Variants in RNF125 observed in about 807,000 individuals in gnomAD.
RNF125 encodes the protein ring finger protein 125.
In RNF125, 21 loss-of-function variants were observed where a neutral mutation model predicts 26.0. The observed-to-expected ratio is 0.81, with a 90% CI of 0.57 to 1.16. The LOEUF (loss-of-function observed/expected upper bound fraction) is 1.16. Ranked by LOEUF, RNF125 falls within the 50% of genes most tolerant of loss-of-function variation. The pLI, the probability that RNF125 is intolerant of heterozygous loss-of-function variation, is 0.00. For missense variants in RNF125, 270 were observed against 299.4 expected, an observed-to-expected ratio of 0.90 and a Z score of 0.72; for synonymous variants, 95 against 109.2, an observed-to-expected ratio of 0.87 and a Z score of 0.81.
chr18:32,033,647 C>T (rs1196617079), intron 1 of RNF125, among the ~76,000 whole-genome samples: 2 of 151,802 alleles, frequency 1.3e-5, no homozygotes, highest in East Asian at 1.9e-4. Context: ...ATGGAGAAAA[C>T]CCGTCTCTAC....
chr18:32,068,286 T>C lies in RNF125; in HGVS notation c.613-12T>C, dbSNP rs747824170. 177 of 1,407,790 alleles carry C rather than the reference T, an allele frequency of 1.3e-4. No homozygotes were observed. The highest frequency in any genetic ancestry group is 1.7e-4 in the Non-Finnish European group (170 of 995,440). 87.2% of individuals were successfully genotyped at this position (1,407,790 alleles called of 1,614,324 possible). A position where few individuals can be genotyped will look rare whatever the true frequency, so the allele number is the denominator to read the frequency against. On this transcript the variant is annotated splice_polypyrimidine_tract_variant and intron_variant, in intron 5 of 5. Transcript: ENST00000217740. ...GACTCTGAATATTTCTAATTATTTT[T>C]CTTTATTGTAGGATTTTAATATAAT...
intron 4 of RNF125, among the ~76,000 whole-genome samples, chr18:32,064,996 G>T (rs1486088401): frequency 1.3e-5 from 2 of 152,150 alleles, no homozygotes; most frequent in Non-Finnish European, 2.9e-5. Flanking sequence ...TATGGTACAT[G>T]TATTAATTGT....
the RNF125 span, among the ~76,000 whole-genome samples, chr18:32,083,701 C>T: frequency 5.0e-4 from 76 of 151,878 alleles, no homozygotes; most frequent in African/African-American, 1.6e-3. Context: ...TGCTTGAGCT[C>T]AGAAGTTTGA....
chr18:32,043,925 A>G (rs998129492), intron 3 of RNF125, among the ~76,000 whole-genome samples: 21 of 152,332 alleles, frequency 1.4e-4, no homozygotes, highest in African/African-American at 1.7e-4. Context: ...AAAGTGAGCA[A>G]ACAACTCCAA....
At chr18:32,047,016 G>A (rs899903560) in intron 4 of RNF125, among the ~76,000 whole-genome samples, 3 of 152,048 alleles carry the variant, frequency 2.0e-5, no homozygotes, top group Non-Finnish European at 2.9e-5. Flanking sequence ...CTGTGGGCAC[G>A]TGCCACTACA....
chr18:32,060,709 C>T (rs1469628085), intron 4 of RNF125, among the ~76,000 whole-genome samples: 2 of 152,218 alleles, frequency 1.3e-5, no homozygotes, highest in African/African-American at 4.8e-5. Flanking sequence ...TTCTTACCCT[C>T]TCTTCCCTCA....
intron 3 of RNF125, among the ~76,000 whole-genome samples, chr18:32,045,279 C>T (rs1006550679): frequency 6.6e-6 from 1 of 152,040 alleles, no homozygotes; most frequent in Non-Finnish European, 1.5e-5. Context: ...AGATATGTGA[C>T]CAGGTGCGGT....
At chr18:32,059,505 A>G (rs1393533524) in intron 4 of RNF125, among the ~76,000 whole-genome samples, 1 of 152,076 alleles carries the variant, frequency 6.6e-6, no homozygotes. Flanking sequence ...TGCACTCCTT[A>G]TATATTCTGG....
the RNF125 span, among the ~76,000 whole-genome samples, chr18:32,083,890 C>T: frequency 1.4e-5 from 2 of 144,058 alleles, no homozygotes; most frequent in African/African-American, 5.2e-5. Context: ...GCAACAGAGG[C>T]GAGACCCTGT....
the RNF125 span, among the ~76,000 whole-genome samples, chr18:32,089,899 A>T: frequency 6.6e-6 from 1 of 152,248 alleles, no homozygotes; most frequent in Non-Finnish European, 1.5e-5. Context: ...TACAGAAAAT[A>T]CACCTTACTT....
intron 1 of RNF125, among the ~76,000 whole-genome samples, chr18:32,033,073 T>G (rs775145915): frequency 2.4e-4 from 37 of 152,280 alleles, no homozygotes; most frequent in Non-Finnish European, 4.0e-4. Flanking sequence ...AGGAGCCCCA[T>G]CTCAGTGGCA....
Position 32,025,532 on chromosome 18 carries a change from G to C in RNF125, c.164+6505G>C, listed in dbSNP as rs35747283. Among the ~76,000 whole-genome samples the C allele has an allele frequency of 8.3e-3, 1,260 of 152,100 alleles. 23 individuals carry two copies. Among genetic ancestry groups the C allele is most frequent in the African/African-American group, 0.029 (1,185 of 41,484 alleles). On this transcript the variant is annotated intron_variant, in intron 1 of 5. Transcript: ENST00000217740. ...ACAAGAAAATTAGCCAGGGGTGGTG[G>C]CAGGCACCTGTAATTCCAGCAACTC... is the stretch of plus-strand genomic sequence containing the variant.
At chr18:32,078,146 C>T (rs2039582138), downstream of RNF125, among the ~76,000 whole-genome samples, 1 of 152,068 alleles carries the variant, frequency 6.6e-6, no homozygotes, top group African/African-American at 2.4e-5. Context: ...TAATAATCCC[C>T]CATGAAAGGA....
chr18:32,076,524 C>T (rs764551579), downstream of RNF125, among the ~76,000 whole-genome samples: 5 of 151,980 alleles, frequency 3.3e-5, no homozygotes, highest in African/African-American at 4.8e-5. Context: ...ACTATGTTGC[C>T]CAGGTTGGTC....
At chr18:32,082,962 T>C in the RNF125 span, among the ~76,000 whole-genome samples, 1 of 152,170 alleles carries the variant, frequency 6.6e-6, no homozygotes, top group Non-Finnish European at 1.5e-5. Context: ...ACAATAGAAA[T>C]GATCCCAGAA....
chr18:32,030,127 C>T (rs1339264894), intron 1 of RNF125, among the ~76,000 whole-genome samples: 2 of 152,216 alleles, frequency 1.3e-5, no homozygotes, highest in African/African-American at 4.8e-5. Context: ...TCACTGCAAC[C>T]TCCACCTCCT....
At position 32,037,156 on chromosome 18, in the gene RNF125, A is replaced by C; in HGVS notation, c.205A>C (p.Lys69Gln). 6.2e-7 allele frequency: 1 copy of C among 1,607,256 alleles called. No homozygotes were observed. Among genetic ancestry groups the C allele is most frequent in the Non-Finnish European group, 8.5e-7 (1 of 1,177,690 alleles). ...TATTGCTACCAGTCTAAAGAACAAC[A>C]AGTGGACCTGTCCTTATTGCCGGGC... ...SCIATSLKNN[K>Q]WTCPYCRAYL... Residue 69 changes from lysine (K) to glutamine (Q), a missense_variant, in exon 2 of 6, where the codon AAG becomes CAG. Coordinates refer to ENST00000217740, the MANE Select transcript of RNF125 (RefSeq NM_017831.4).
intron 1 of RNF125, among the ~76,000 whole-genome samples, chr18:32,034,393 G>C (rs1278373149): frequency 6.6e-6 from 1 of 152,140 alleles, no homozygotes; most frequent in Non-Finnish European, 1.5e-5. Context: ...ATGCAACAGC[G>C]CATAGGTTAT....
chr18:32,045,648 A>G lies in RNF125; in HGVS notation c.420A>G (p.Val140=), dbSNP rs1306700999. 1.2e-6 allele frequency: 2 copies of G among 1,606,748 alleles called. No homozygotes were observed. The highest frequency in any genetic ancestry group is 2.2e-5 in the East Asian group (1 of 44,730). Residue 140 remains valine (V), a synonymous_variant, in exon 4 of 6, where the codon GTA becomes GTG. Coordinates refer to ENST00000217740, the MANE Select transcript of RNF125 (RefSeq NM_017831.4). The part of the protein sequence containing the change: ...QELEETAARC[V]CPFCQRELYE... ...TATTCTGTGCTATTTCCAGGTGTGT[A>G]TGTCCCTTTTGTCAGAGGGAACTGT...
Sources: gnomAD v4.1 joint callset for allele counts (sites outside exome capture counted in the v4.1 genomes callset) on GRCh38, gnomAD v4.1.1 for gene constraint, MANE v1.5 for transcripts, NCBI Gene and HGNC (gene_info 2026-07-23, HGNC 2026-07-21) for gene names.